Variants in MED14 observed in about 807,000 individuals in gnomAD.
The protein encoded by MED14 is mediator complex subunit 14.
A neutral mutation model predicts 109.0 loss-of-function variants in MED14; 8 were observed. That is an observed-to-expected ratio of 0.07 (90% confidence interval 0.04 to 0.13). MED14 has a LOEUF of 0.13. MED14 is among the 10% of genes least tolerant of loss of function. The pLI is 1.00. For synonymous variants in MED14, 399 were observed against 408.7 expected, an observed-to-expected ratio of 0.98 and a Z score of 0.29; for missense variants, 711 against 1,142.4, an observed-to-expected ratio of 0.62 and a Z score of 5.44.
intron 16 of MED14, among the ~76,000 whole-genome samples, chrX:40,685,919 T>C (rs1244903920): frequency 8.9e-6 from 1 of 112,159 alleles, no homozygotes; most frequent in Non-Finnish European, 1.9e-5. Flanking sequence ...TCATATTCAA[T>C]ATTAATATAT....
intron 13 of MED14, among the ~76,000 whole-genome samples, chrX:40,694,641 G>A (rs1464060377): frequency 9.0e-6 from 1 of 111,614 alleles, no homozygotes. Context: ...TTAGGCCTAC[G>A]ATAAGACACC....
At chrX:40,711,611 T>C (rs1382633425) in intron 7 of MED14, among the ~76,000 whole-genome samples, 1 of 110,780 alleles carries the variant, frequency 9.0e-6, no homozygotes, top group East Asian at 2.8e-4. Flanking sequence ...CAAACAGTAC[T>C]TTTTTATTAT....
In MED14 at chrX:40,700,892, A is replaced by G. The variant is rs767312571; in HGVS notation, c.1490+273T>C. Among the ~76,000 whole-genome samples the G allele has an allele frequency of 5.4e-5, 6 of 112,005 alleles. No individual in the cohort carries two copies. In the East Asian group the frequency reaches 1.7e-3, roughly 31 times the overall value. ...AAAATTCATTGTGTAAGTGATTTGT[A>G]AAGTGCTTGTATAGAAGAAAATGTG... On this transcript the variant is annotated intron_variant, in intron 12 of 30. Coordinates refer to ENST00000324817, the MANE Select transcript of MED14 (RefSeq NM_004229.4).
chrX:40,724,561 A>G (rs1931834432), intron 3 of MED14, among the ~76,000 whole-genome samples: 1 of 112,175 alleles, frequency 8.9e-6, no homozygotes, highest in Admixed American at 9.4e-5. Flanking sequence ...CACGGAAACA[A>G]TACACTCCCA....
chrX:40,707,937 C>T (rs557765777), intron 10 of MED14, among the ~76,000 whole-genome samples: 57 of 111,577 alleles, frequency 5.1e-4, no homozygotes, highest in East Asian at 1.4e-3. Context: ...GAAAAAAAGA[C>T]GAAAAGGCAG....
intron 3 of MED14, among the ~76,000 whole-genome samples, chrX:40,717,489 T>A (rs1162156816): frequency 9.3e-6 from 1 of 107,910 alleles, no homozygotes; most frequent in Non-Finnish European, 1.9e-5. Flanking sequence ...AAAACCTTTA[T>A]CTTCTAGTTC....
intron 1 of MED14, among the ~76,000 whole-genome samples, chrX:40,731,491 T>A (rs201062301): frequency 9.0e-6 from 1 of 111,365 alleles, no homozygotes; most frequent in East Asian, 2.8e-4. Context: ...TAATTAATAA[T>A]TACCACAATC....
intron 10 of MED14, among the ~76,000 whole-genome samples, chrX:40,703,837 ATAGC>A (rs1477219959): frequency 8.9e-6 from 1 of 112,738 alleles, no homozygotes; most frequent in Non-Finnish European, 1.9e-5. Context: ...GAGGGTTGAA[ATAGC>A]TAGTGAAAAT....
rs1928813361 is a variant in MED14 at position 40,650,237 on chromosome X, T to A, written c.*1569A>T. 4.0e-6 allele frequency: 3 copies of A among 751,101 alleles called. No homozygotes were observed. The highest frequency in any genetic ancestry group is 3.0e-4 in the East Asian group (2 of 6,570). The allele number at this position is 751,101 out of a possible 1,213,427, so 61.9% of individuals were successfully genotyped here. A position where few individuals can be genotyped will look rare whatever the true frequency, so the allele number is the denominator to read the frequency against. On this transcript the variant is annotated 3_prime_UTR_variant, in exon 31 of 31. Transcript: ENST00000324817. ...CAACTGCTCCTGAACAGTGGCAGAG[T>A]TGGGTGAGAAGTGGGAGATGAAGGC... is the stretch of plus-strand genomic sequence containing the variant.
intron 16 of MED14, among the ~76,000 whole-genome samples, chrX:40,688,032 T>G (rs1930357046): frequency 9.0e-6 from 1 of 111,509 alleles, no homozygotes; most frequent in Admixed American, 9.5e-5. Context: ...CTGGTCAACA[T>G]GGTGAAACCC....
chrX:40,692,072 A>G, intron 15 of MED14, 111 bp downstream of exon 15: 1 of 682,498 alleles, frequency 1.5e-6, no homozygotes, highest in Non-Finnish European at 2.1e-6. Context: ...CAAAATGAAC[A>G]GGATCACAAA....
intron 11 of MED14, among the ~76,000 whole-genome samples, chrX:40,702,346 G>GTTT (rs35345632): frequency 0.013 from 1,044 of 82,105 alleles, 58 homozygotes; most frequent in African/African-American, 0.045. Flanking sequence ...TATAAGTTTT[G>GTTT]TTTTTTTTTT....
intron 26 of MED14, among the ~76,000 whole-genome samples, chrX:40,661,249 T>C (rs1255947392): frequency 2.7e-5 from 3 of 112,285 alleles, no homozygotes. Flanking sequence ...ACCCAGCTAA[T>C]TTTTGTGTTT....
chrX:40,735,092 C>G (rs1302233439), intron 1 of MED14, 106 bp downstream of exon 1: 4 of 567,896 alleles, frequency 7.0e-6, no homozygotes, highest in Non-Finnish European at 1.0e-5. Flanking sequence ...ACTAAGCAGT[C>G]CAGCGGAGAA....
intron 1 of MED14, among the ~76,000 whole-genome samples, chrX:40,732,518 C>CAAA (rs367874034): frequency 1.2e-4 from 11 of 91,881 alleles, no homozygotes; most frequent in Non-Finnish European, 1.5e-4. Flanking sequence ...GACTCTGTCT[C>CAAA]AAAAAAAAAA....
At chrX:40,703,367 T>C (rs1204566141) in intron 11 of MED14, 77 bp downstream of exon 11, 1 of 916,496 alleles carries the variant, frequency 1.1e-6, no homozygotes, top group Non-Finnish European at 1.6e-6. Context: ...TAATACCTAA[T>C]GACAGAAAAT....
At chrX:40,680,670 G>C (rs1418208200) in intron 20 of MED14, 88 bp downstream of exon 20, 1 of 795,843 alleles carries the variant, frequency 1.3e-6, no homozygotes, top group African/African-American at 2.1e-5. Context: ...CTTCCGCCTC[G>C]GCCTCCCAAA....
chrX:40,709,676 AT>A (rs1443855841), intron 9 of MED14, among the ~76,000 whole-genome samples: 1 of 112,270 alleles, frequency 8.9e-6, no homozygotes, highest in Non-Finnish European at 1.9e-5. Flanking sequence ...TATAGTTAAC[AT>A]TTTGGTAAGT....
intron 3 of MED14, among the ~76,000 whole-genome samples, chrX:40,722,366 GAAGA>G (rs2146731750): frequency 8.9e-6 from 1 of 111,759 alleles, no homozygotes; most frequent in Admixed American, 9.5e-5. Flanking sequence ...TGATCAACCA[GAAGA>G]AAGAATTAGT....
Sources: gnomAD v4.1 joint callset for allele counts (sites outside exome capture counted in the v4.1 genomes callset) on GRCh38, gnomAD v4.1.1 for gene constraint, MANE v1.5 for transcripts, NCBI Gene and HGNC (gene_info 2026-07-23, HGNC 2026-07-21) for gene names.